NPR1: variants seen among roughly 807,000 people sequenced by gnomAD.
NPR1 encodes the protein natriuretic peptide receptor 1.
In NPR1, 57 loss-of-function variants were observed where a neutral mutation model predicts 116.9. The observed-to-expected ratio is 0.49, with a 90% CI of 0.39 to 0.61. NPR1 has a LOEUF of 0.61. Ranked by LOEUF, NPR1 falls within the 20% of genes least tolerant of loss-of-function variation. The pLI is 0.00. For synonymous variants in NPR1, 555 were observed against 601.6 expected (o/e 0.92, Z 1.13); for missense variants, 1,096 against 1,409.8 (o/e 0.78, Z 3.56).
rs1670018712 is a variant in NPR1, at chr1:153,689,173, GCCCTGAC to G, written c.2565-10_2565-4del. ...GACCCCCAACTCTGATCCTGCACCT[GCCCTGAC>G]CCCTTAGCTCAGTGGCTGAGCAGCT... On this transcript the variant is annotated splice_region_variant and splice_polypyrimidine_tract_variant and intron_variant, in intron 16 of 21. Coordinates refer to ENST00000368680, the MANE Select transcript of NPR1 (RefSeq NM_000906.4). The surrounding 1 kb of genome is among the most constrained non-coding windows in gnomAD (Gnocchi z 5.1). The G allele has an allele frequency of 6.2e-7, 1 of 1,614,012 alleles. No individual in the cohort carries two copies. The highest frequency in any genetic ancestry group is 1.3e-5 in the African/African-American group (1 of 74,928).
chr1:153,681,159 C>T (rs747938301), intron 2 of NPR1, 21 bp from the exon 3 acceptor site: 2 of 1,454,274 alleles, frequency 1.4e-6, no homozygotes, highest in Non-Finnish European at 1.9e-6. Context: ...ACTCTCTGCT[C>T]TCCACTGACC....
Position 153,690,435 on chromosome 1 carries a change from T to C in NPR1, c.3031+53T>C. The C allele has an allele frequency of 8.7e-6, 12 of 1,380,240 alleles. No homozygotes were observed. In the South Asian group the frequency reaches 1.5e-4, roughly 17 times the overall value. The allele number at this position is 1,380,240 out of a possible 1,614,324, so 85.5% of individuals were successfully genotyped here. ...GGGAGGGCAGGGTGGCTGAGGGAAA[T>C]GCCATCCTGGGGCAGCCTGTGCCTG... On this transcript the variant is annotated intron_variant, in intron 20 of 21. Transcript: ENST00000368680.
chr1:153,687,399 C>A (rs369147296), intron 13 of NPR1, 43 bp downstream of exon 13: 64 of 1,599,028 alleles, frequency 4.0e-5, no homozygotes, highest in Non-Finnish European at 5.2e-5. Flanking sequence ...CCCAGCACCA[C>A]CCAGTAGGGA....
chr1:153,687,018 C>T lies in NPR1; in HGVS notation c.1866C>T (p.Asp622=). The stretch of plus-strand genomic sequence containing the variant: ...TCTGACTCTTATTGCCCCAGCAGGA[C>T]ATTCTGGAGAATGAGAGCATCACCC... ...TEYCPRGSLQ[D]ILENESITLD... is the part of the protein sequence containing the mutation. The change falls in exon 12 of 22, where the codon GAC becomes GAT. Residue 622 remains aspartate, a splice_region_variant and synonymous_variant. Coordinates refer to ENST00000368680, the MANE Select transcript of NPR1 (RefSeq NM_000906.4). 1 of 1,614,124 alleles carries T rather than the reference C, an allele frequency of 6.2e-7. No homozygotes were observed. Among genetic ancestry groups the T allele is most frequent in the East Asian group, 2.2e-5 (1 of 44,888 alleles).
Position 153,680,521 on chromosome 1 carries a change from CCT to C in NPR1, c.743_744del (p.Pro248ArgfsTer67). On this transcript the variant is annotated frameshift_variant, in exon 2 of 22. Coordinates refer to ENST00000368680, the MANE Select transcript of NPR1 (RefSeq NM_000906.4). LOFTEE classifies it high-confidence loss of function. ...TCCAGTTATCTACATCTGCAGCTCC[CCT>C]GATGCCTTCAGAACCCTCATGCTCC... ...KGRVIYICSS[P>X]DAFRTLMLLA... 1 of 1,614,208 alleles carries C rather than the reference CCT, an allele frequency of 6.2e-7. No homozygotes were observed. Among genetic ancestry groups the C allele is most frequent in the Non-Finnish European group, 8.5e-7 (1 of 1,180,036 alleles).
At chr1:153,687,938 C>T in intron 14 of NPR1, 115 bp from the exon 15 acceptor site, 2 of 1,080,482 alleles carry the variant, frequency 1.9e-6, no homozygotes, top group Admixed American at 2.2e-5. Flanking sequence ...GTGACCAGTC[C>T]CCCGCCCCCA....
At chr1:153,682,673 C>T (rs1557961323) in intron 5 of NPR1, 84 bp downstream of exon 5, 2 of 965,538 alleles carry the variant, frequency 2.1e-6, no homozygotes, top group South Asian at 2.7e-5. Context: ...TGCCAGGGCA[C>T]CTGTTTATCC....
At chr1:153,690,916 T>G (rs76620495) in intron 20 of NPR1, among the ~76,000 whole-genome samples, 1 of 132,464 alleles carries the variant, frequency 7.5e-6, no homozygotes, top group Admixed American at 9.0e-5. Flanking sequence ...CACCCCAGCT[T>G]GGGCAATAAG....
At position 153,689,151 on chromosome 1, in the gene NPR1, C is replaced by T. The variant is rs1187791507; in HGVS notation, c.2565-37C>T. 2 of 1,614,178 alleles carry T rather than the reference C, an allele frequency of 1.2e-6. No homozygotes were observed. Among genetic ancestry groups the T allele is most frequent in the Non-Finnish European group, 1.7e-6 (2 of 1,180,010 alleles). ...CCCAACACAAAGCCCCTGTCCCGAC[C>T]CCCAACTCTGATCCTGCACCTGCCC... On this transcript the variant is annotated intron_variant, in intron 16 of 21. Transcript: ENST00000368680. This position sits in a 1 kb window ranked among gnomAD's most constrained non-coding sequence, Gnocchi z 5.1.
rs1669848962 is a variant in NPR1, at chr1:153,683,737, C to A, written c.1400-3C>A. ...TTGCTGCAATATGGACTCTCTCCTG[C>A]AGATCACCTTTCCACCCTGGAGGTG... On this transcript the variant is annotated splice_polypyrimidine_tract_variant and splice_region_variant and intron_variant, in intron 6 of 21. Transcript: ENST00000368680. The A allele has an allele frequency of 1.9e-6, 3 of 1,613,896 alleles. No homozygotes were observed. The African/African-American group carries it at 4.0e-5, about 22-fold the overall frequency.
intron 19 of NPR1, 114 bp downstream of exon 19, chr1:153,690,094 CT>C (rs1670057104): frequency 3.0e-6 from 2 of 669,472 alleles, no homozygotes; most frequent in African/African-American, 6.0e-5. Context: ...CTCTCTCTCT[CT>C]CTCTCTCTCT....
chr1:153,690,076 CT>C, intron 19 of NPR1, 96 bp downstream of exon 19: 1 of 493,970 alleles, frequency 2.0e-6, no homozygotes, highest in Non-Finnish European at 3.1e-6. Flanking sequence ...TCATCTCTCT[CT>C]CTCTCTCTCT....
At chr1:153,688,775 G>C in intron 15 of NPR1, 178 bp from the exon 16 acceptor site, 1 of 683,226 alleles carries the variant, frequency 1.5e-6, no homozygotes. Context: ...TCTCAGAAAA[G>C]AATTGAACTT....
chr1:153,691,140 G>C (rs566110976), intron 20 of NPR1, among the ~76,000 whole-genome samples: 1 of 152,072 alleles, frequency 6.6e-6, no homozygotes, highest in South Asian at 2.1e-4. Context: ...GGAATTATGT[G>C]AGAAACCCAT....
rs61758571 is a variant in NPR1, at chr1:153,688,935, G to A, written c.2418-18G>A. ...CTGCTCCTCTCTTACCACCCCCACC[G>A]CCACCCTCTGCCCCCAGGGAGAACA... On this transcript the variant is annotated intron_variant, in intron 15 of 21. Coordinates refer to ENST00000368680, the MANE Select transcript of NPR1 (RefSeq NM_000906.4). The A allele has an allele frequency of 3.0e-5, 48 of 1,613,672 alleles. No individual in the cohort carries two copies. The highest frequency in any genetic ancestry group is 1.7e-4 in the Middle Eastern group (1 of 6,052).
intron 1 of NPR1, among the ~76,000 whole-genome samples, chr1:153,680,185 CCTCCCTCTCCCT>C (rs1167634466): frequency 6.7e-6 from 1 of 149,540 alleles, no homozygotes; most frequent in Admixed American, 6.7e-5. Flanking sequence ...CTCTTCTCCC[CCTCCCTCTCCCT>C]CCTCTCTCCC....
Position 153,689,115 on chromosome 1 carries a change from TG to T in NPR1, c.2564+20del, listed in dbSNP as rs1299928517. 1 of 1,613,946 alleles carries T rather than the reference TG, an allele frequency of 6.2e-7. No homozygotes were observed. The highest frequency in any genetic ancestry group is 1.3e-5 in the African/African-American group (1 of 74,916). Reference sequence around the variant, plus strand: ...TCCTGCCTCAGTGAGTGCCTGAGTCTGGGGACCCCCCCCAACACAAAGCCCC... The same window carrying T: ...TCCTGCCTCAGTGAGTGCCTGAGTCTGGGACCCCCCCCAACACAAAGCCCC... On this transcript the variant is annotated intron_variant, in intron 16 of 21. Transcript: ENST00000368680. This position sits in a 1 kb window ranked among gnomAD's most constrained non-coding sequence, Gnocchi z 5.1.
chr1:153,684,880 C>T, intron 7 of NPR1, 84 bp from the exon 8 acceptor site: 1 of 1,561,382 alleles, frequency 6.4e-7, no homozygotes, highest in Non-Finnish European at 8.8e-7. Flanking sequence ...GGTGTGGTCC[C>T]ACGGCTCTGA....
At position 153,685,075 on chromosome 1, in the gene NPR1, C is replaced by A. The variant is rs764191721; in HGVS notation, c.1596C>A (p.Thr532=). 1 of 1,613,944 alleles carries A rather than the reference C, an allele frequency of 6.2e-7. No homozygotes were observed. The highest frequency in any genetic ancestry group is 8.5e-7 in the Non-Finnish European group (1 of 1,180,000). The change falls in exon 8 of 22, where the codon ACC becomes ACA. Residue 532 remains threonine, a synonymous_variant. Transcript: ENST00000368680. ...RHLRSAGSRL[T]LSGRGSNYGS... ...TGCGGAGTGCAGGCAGCCGGCTGACCCTGAGCGGGGTAAGAACGCTGGTGT... is the reference window on the plus strand; with the variant it reads ...TGCGGAGTGCAGGCAGCCGGCTGACACTGAGCGGGGTAAGAACGCTGGTGT...
Sources: allele counts gnomAD v4.1 joint callset (sites outside exome capture counted in the v4.1 genomes callset), GRCh38; gene constraint gnomAD v4.1.1; non-coding constraint Gnocchi (gnomAD v3.1); transcripts MANE v1.5; gene names NCBI Gene and HGNC (gene_info 2026-07-23, HGNC 2026-07-21).